The following HMCN2 variants were observed in gnomAD, a reference collection of about 807,000 sequenced individuals.
HMCN2 encodes hemicentin-2.
Under a neutral mutation model 377.5 loss-of-function variants are expected in HMCN2, and 325 were observed. The ratio of observed to expected loss-of-function variants is 0.86; its 90% CI spans 0.79 to 0.94. The LOEUF (loss-of-function observed/expected upper bound fraction) is 0.94. HMCN2 is among the 40% of genes least tolerant of loss of function. The pLI is 0.00. For missense variants in HMCN2, 4,543 were observed against 4,725.3 expected (o/e 0.96, Z 1.13); for synonymous variants, 2,007 against 2,046.8 (o/e 0.98, Z 0.53).
chr9:130,395,123 T>TGGGGTG lies in HMCN2; in HGVS notation c.10774+20_10774+25dup. Reference sequence around the variant, plus strand: ...CAGGGTTCAAGGTAGGTGGTGGGGGTGGGGTGGGGGCAGGGCCGGGAGGCA... The same window carrying TGGGGTG: ...CAGGGTTCAAGGTAGGTGGTGGGGGTGGGGTGGGGGTGGGGGCAGGGCCGGGAGGCA... On this transcript the variant is annotated intron_variant, in intron 70 of 97. Coordinates refer to ENST00000683500, the MANE Select transcript of HMCN2 (RefSeq NM_001291815.2). The TGGGGTG allele has an allele frequency of 3.6e-5, 3 of 83,136 alleles. No individual in the cohort carries two copies. The highest frequency in any genetic ancestry group is 4.9e-5 in the Non-Finnish European group (3 of 61,002). The allele number at this position is 83,136 out of a possible 1,614,324, so 5.1% of individuals were successfully genotyped here.
chr9:130,431,010 AG>A (rs1844711799), intron 95 of HMCN2: 1 of 31,314 alleles, frequency 3.2e-5, no homozygotes, highest in Non-Finnish European at 5.2e-5. Flanking sequence ...TGCTGGGTAG[AG>A]GGGGGTGGGG....
intron 22 of HMCN2, 80 bp from the exon 23 acceptor site, chr9:130,337,814 G>C (rs1156432713): frequency 1.3e-5 from 2 of 149,268 alleles, no homozygotes; most frequent in African/African-American, 2.5e-5. Flanking sequence ...GGGGGAGGTG[G>C]CTGGTTCAAG....
At chr9:130,368,472 G>A (rs1313122635) in intron 44 of HMCN2, 35 bp downstream of exon 44, 13 of 980,636 alleles carry the variant, frequency 1.3e-5, no homozygotes, top group Non-Finnish European at 1.6e-5. Context: ...AAGGGTCTGG[G>A]ATCATGGACT....
At chr9:130,365,307 C>T (rs1840635163) in intron 41 of HMCN2, among the ~76,000 whole-genome samples, 1 of 152,280 alleles carries the variant, frequency 6.6e-6, no homozygotes, top group African/African-American at 2.4e-5. Context: ...TTTTCTTGAG[C>T]TTTCCAAAGA....
intron 80 of HMCN2, among the ~76,000 whole-genome samples, chr9:130,404,635 G>T (rs576039305): frequency 2.0e-5 from 3 of 152,256 alleles, no homozygotes; most frequent in African/African-American, 7.2e-5. Flanking sequence ...GCATGCATGT[G>T]TGTGTGTGTG....
intron 15 of HMCN2, among the ~76,000 whole-genome samples, chr9:130,318,341 G>C (rs1837675365): frequency 7.7e-6 from 1 of 129,688 alleles, no homozygotes; most frequent in Non-Finnish European, 1.7e-5. Context: ...AGACTCAAAG[G>C]GTTAAAATAA....
chr9:130,364,659 C>T, intron 40 of HMCN2, 55 bp from the exon 41 acceptor site: 4 of 940,100 alleles, frequency 4.3e-6, no homozygotes, highest in Non-Finnish European at 5.1e-6. Flanking sequence ...GTGGCCCCTC[C>T]TTGCCAGCCC....
chr9:130,321,543 C>T (rs1460181268), intron 18 of HMCN2, among the ~76,000 whole-genome samples: 10 of 151,966 alleles, frequency 6.6e-5, no homozygotes, highest in Non-Finnish European at 7.4e-5. Context: ...TCCAGTTGGC[C>T]GAGGGAGAGG....
At chr9:130,363,035 G>T (rs188401873) in intron 40 of HMCN2, 45 bp downstream of exon 40, 1 of 985,948 alleles carries the variant, frequency 1.0e-6, no homozygotes, top group Non-Finnish European at 1.2e-6. Context: ...AGCAGCGGGG[G>T]AGATGGGGTG....
At chr9:130,368,846 C>T (rs1840847201) in intron 44 of HMCN2, among the ~76,000 whole-genome samples, 1 of 152,146 alleles carries the variant, frequency 6.6e-6, no homozygotes, top group Non-Finnish European at 1.5e-5. Flanking sequence ...ATAGGGGAAA[C>T]CGCCCAGATG....
chr9:130,314,607 C>A (rs1230604517), intron 15 of HMCN2, among the ~76,000 whole-genome samples: 1 of 152,124 alleles, frequency 6.6e-6, no homozygotes, highest in Non-Finnish European at 1.5e-5. Context: ...GCTGTGGAGA[C>A]CCCTCCCCGG....
intron 58 of HMCN2, 66 bp from the exon 59 acceptor site, chr9:130,384,619 G>T (rs558069188): frequency 7.7e-7 from 1 of 1,300,328 alleles, no homozygotes; most frequent in African/African-American, 1.5e-5. Flanking sequence ...GCCGTCAGTC[G>T]TGCAGGGATT....
At chr9:130,338,500 A>C (rs2131466214) in intron 23 of HMCN2, 1 of 152,418 alleles carries the variant, frequency 6.6e-6, no homozygotes, top group South Asian at 2.1e-4. Context: ...TGCTCCCACC[A>C]CTGCCATCAA....
Position 130,360,709 on chromosome 9 carries a change from CACCCCATCCATCCGTT to C in HMCN2, c.5950+119_5950+134del. 1 of 548,198 alleles carries C rather than the reference CACCCCATCCATCCGTT, an allele frequency of 1.8e-6. No individual in the cohort carries two copies. Among genetic ancestry groups the C allele is most frequent in the Non-Finnish European group, 2.8e-6 (1 of 352,580 alleles). 34.0% of individuals were successfully genotyped at this position (548,198 alleles called of 1,614,324 possible). ...CCTGTCCACTCATCCATCCATCTAC[CACCCCATCCATCCGTT>C]ACCCCATCCATCCATCATCCATCCA... On this transcript the variant is annotated intron_variant, in intron 38 of 97. Coordinates refer to ENST00000683500, the MANE Select transcript of HMCN2 (RefSeq NM_001291815.2). The surrounding 1 kb of genome is among the most constrained non-coding windows in gnomAD (Gnocchi z 4.7).
In HMCN2 at chr9:130,304,761, C is replaced by T. The variant is rs559608162; in HGVS notation, c.1575C>T (p.Asn525=). ...CGCCGCAGCTGGTCCCTGCTCCCAA[C>T]GTGACCGTGTCCCCAGGGGAGACTG... ...DPPPQLVPAP[N]VTVSPGETAV... Residue 525 remains asparagine, a synonymous_variant, in exon 11 of 98, where the codon AAC becomes AAT. Transcript: ENST00000683500. This position sits in a 1 kb window ranked among gnomAD's most constrained non-coding sequence, Gnocchi z 4.3. 4.5e-5 allele frequency: 21 copies of T among 470,086 alleles called. No individual in the cohort carries two copies. Among genetic ancestry groups the T allele is most frequent in the African/African-American group, 6.0e-5 (3 of 50,066 alleles). The allele number at this position is 470,086 out of a possible 1,614,324, so 29.1% of individuals were successfully genotyped here.
At chr9:130,321,564 G>T (rs903842369) in intron 18 of HMCN2, among the ~76,000 whole-genome samples, 8 of 152,038 alleles carry the variant, frequency 5.3e-5, no homozygotes, top group Non-Finnish European at 1.2e-4. Flanking sequence ...TGGGGTCAGG[G>T]TATGTAGGGG....
Position 130,423,021 on chromosome 9 carries a change from G to T in HMCN2, c.13381+295G>T, listed in dbSNP as rs1047464094. ...TTCTGGGGGTGCGGGCGCTCAGATT[G>T]TGGTTTCCCAAGCCACCGATGGCTC... On this transcript the variant is annotated intron_variant, in intron 87 of 97. Coordinates refer to ENST00000683500, the MANE Select transcript of HMCN2 (RefSeq NM_001291815.2). The surrounding 1 kb of genome is among the most constrained non-coding windows in gnomAD (Gnocchi z 5.5). Among the ~76,000 whole-genome samples the T allele has an allele frequency of 3.3e-5, 5 of 152,174 alleles. No individual in the cohort carries two copies. In the East Asian group the frequency reaches 9.6e-4, roughly 29 times the overall value.
intron 24 of HMCN2, among the ~76,000 whole-genome samples, chr9:130,341,794 G>A (rs1326558264): frequency 6.6e-6 from 1 of 152,092 alleles, no homozygotes; most frequent in African/African-American, 2.4e-5. Flanking sequence ...ATAGTATGTG[G>A]GGGGTCCATG....
In HMCN2 at chr9:130,355,850, A is replaced by G; in HGVS notation, c.5251A>G (p.Ile1751Val). The change falls in exon 33 of 98, where the codon ATC becomes GTC. Residue 1751 changes from isoleucine (I) to valine (V), a missense_variant. Around this residue, in one of 5 missense-constraint regions of HMCN2, gnomAD observed 1,032 missense variants for 1,285.1 expected, o/e 0.80. Transcript: ENST00000683500. Reference sequence around the variant, plus strand: ...GGCCTCAGGCTCCCCAGTACCCACTATCCAGTGAGTCTGGGGTGGTGGAGG... The same window carrying G: ...GGCCTCAGGCTCCCCAGTACCCACTGTCCAGTGAGTCTGGGGTGGTGGAGG... Reference protein sequence around the residue: ...CQASGSPVPTIQWLQNGRPAE... With the variant: ...CQASGSPVPTVQWLQNGRPAE... 2 of 1,296,992 alleles carry G rather than the reference A, an allele frequency of 1.5e-6. No individual in the cohort carries two copies. The highest frequency in any genetic ancestry group is 2.0e-6 in the Non-Finnish European group (2 of 982,704). The allele number at this position is 1,296,992 out of a possible 1,614,324, so 80.3% of individuals were successfully genotyped here.
Sources: allele counts gnomAD v4.1 joint callset (sites outside exome capture counted in the v4.1 genomes callset), GRCh38; gene constraint gnomAD v4.1.1; regional missense constraint gnomAD v4.1.1; non-coding constraint Gnocchi (gnomAD v3.1); transcripts MANE v1.5; gene names NCBI Gene and HGNC (gene_info 2026-07-23, HGNC 2026-07-21).